The following FRMD4B variants were observed in gnomAD, a reference collection of about 807,000 sequenced individuals.
FRMD4B encodes FERM domain containing 4B, also known as FERM domain-containing protein 4B.
FRMD4B carries 74 observed loss-of-function variants against 141.5 expected under a neutral mutation model. The ratio of observed to expected loss-of-function variants is 0.52; its 90% confidence interval spans 0.43 to 0.63. FRMD4B has a LOEUF of 0.63. FRMD4B is among the 30% of genes least tolerant of loss of function. FRMD4B has a pLI of 0.00. For missense variants in FRMD4B, 1,366 were observed against 1,253.4 expected, an observed-to-expected ratio of 1.09 and a Z score of -1.36; for synonymous variants, 506 against 467.9, an observed-to-expected ratio of 1.08 and a Z score of -1.05.
At chr3:69,293,473 A>G (rs1700938957) in intron 4 of FRMD4B, among the ~76,000 whole-genome samples, 1 of 128,956 alleles carries the variant, frequency 7.8e-6, no homozygotes, top group South Asian at 2.7e-4. Context: ...TTAGCAGCCA[A>G]TGAGTGGCGG....
At chr3:69,509,326 T>G (rs1024440308) in intron 1 of FRMD4B, among the ~76,000 whole-genome samples, 20 of 152,158 alleles carry the variant, frequency 1.3e-4, no homozygotes, top group Non-Finnish European at 2.1e-4. Context: ...GTTGCCAAAT[T>G]CCAACAGAAA....
chr3:69,350,722 G>A (rs1469594710), intron 1 of FRMD4B, among the ~76,000 whole-genome samples: 1 of 151,728 alleles, frequency 6.6e-6, no homozygotes, highest in African/African-American at 2.4e-5. Flanking sequence ...ACTATCGCAA[G>A]GACAAATAAC....
intron 2 of FRMD4B, among the ~76,000 whole-genome samples, chr3:69,405,588 T>C (rs1156672526): frequency 6.6e-6 from 1 of 152,162 alleles, no homozygotes; most frequent in Admixed American, 6.5e-5. Flanking sequence ...GGTAGAAGGA[T>C]GTTGGGCAGC....
At chr3:69,311,242 T>C (rs765146470) in intron 3 of FRMD4B, 21 bp downstream of exon 3, 1 of 1,191,918 alleles carries the variant, frequency 8.4e-7, no homozygotes, top group Non-Finnish European at 1.2e-6. Flanking sequence ...GTAAAGAAAC[T>C]AAAACTATTA....
chr3:69,296,805 C>T (rs1271241678), intron 4 of FRMD4B, among the ~76,000 whole-genome samples: 1 of 152,120 alleles, frequency 6.6e-6, no homozygotes, highest in East Asian at 1.9e-4. Context: ...CTTTCTTCCT[C>T]TTATCGCTTT....
At chr3:69,320,571 CA>C (rs1338584686) in intron 1 of FRMD4B, among the ~76,000 whole-genome samples, 2 of 151,784 alleles carry the variant, frequency 1.3e-5, no homozygotes, top group African/African-American at 4.8e-5. Flanking sequence ...TCTCTAAAAG[CA>C]AAAACCAAAA....
At chr3:69,323,130 G>C (rs1253436983) in intron 1 of FRMD4B, 19 of 216,144 alleles carry the variant, frequency 8.8e-5, no homozygotes, top group Non-Finnish European at 9.5e-5. Context: ...AAGAGGGGAG[G>C]AATGACAAAG....
intron 11 of FRMD4B, among the ~76,000 whole-genome samples, chr3:69,203,603 C>T (rs980495082): frequency 6.6e-6 from 1 of 152,146 alleles, no homozygotes; most frequent in Non-Finnish European, 1.5e-5. Context: ...CTGGTACTGC[C>T]ACTTCTAGCT....
chr3:69,251,047 A>T (rs1174464847), intron 5 of FRMD4B, among the ~76,000 whole-genome samples: 1 of 152,198 alleles, frequency 6.6e-6, no homozygotes, highest in Non-Finnish European at 1.5e-5. Flanking sequence ...ATGATACATG[A>T]AATATTATTA....
chr3:69,197,249 GT>G (rs1263631945), intron 12 of FRMD4B, among the ~76,000 whole-genome samples: 3 of 152,070 alleles, frequency 2.0e-5, no homozygotes, highest in Non-Finnish European at 4.4e-5. Flanking sequence ...TAAACAGCAT[GT>G]TTAAAAACAC....
intron 2 of FRMD4B, among the ~76,000 whole-genome samples, chr3:69,417,269 T>C (rs950425510): frequency 6.6e-6 from 1 of 152,212 alleles, no homozygotes; most frequent in Non-Finnish European, 1.5e-5. Flanking sequence ...TGGTATCTCA[T>C]TGTGGTTTTG....
intron 1 of FRMD4B, among the ~76,000 whole-genome samples, chr3:69,341,752 CT>C (rs896079648): frequency 2.1e-4 from 32 of 152,302 alleles, no homozygotes; most frequent in Non-Finnish European, 2.2e-4. Flanking sequence ...GATTAAAGCC[CT>C]TATAAAATAG....
At chr3:69,514,898 A>T (rs927285705) in intron 1 of FRMD4B, among the ~76,000 whole-genome samples, 1 of 152,156 alleles carries the variant, frequency 6.6e-6, no homozygotes, top group Non-Finnish European at 1.5e-5. Context: ...GGGACACTGA[A>T]TAGCCAAAAT....
intron 5 of FRMD4B, among the ~76,000 whole-genome samples, chr3:69,257,220 T>C (rs2093498396): frequency 6.6e-6 from 1 of 152,204 alleles, no homozygotes; most frequent in South Asian, 2.1e-4. Context: ...TAAAATTGCC[T>C]TTTTGGAACT....
chr3:69,354,821 C>CT (rs1389469089), intron 1 of FRMD4B, among the ~76,000 whole-genome samples: 1 of 152,082 alleles, frequency 6.6e-6, no homozygotes, highest in African/African-American at 2.4e-5. Flanking sequence ...ACATGGCAGC[C>CT]TGTAACAACT....
intron 3 of FRMD4B, among the ~76,000 whole-genome samples, chr3:69,303,030 C>T (rs1701267455): frequency 6.6e-6 from 1 of 152,240 alleles, no homozygotes; most frequent in African/African-American, 2.4e-5. Context: ...GCCGAGATTG[C>T]ACCATTGCAC....
At chr3:69,258,422 T>A (rs1287361794) in intron 5 of FRMD4B, among the ~76,000 whole-genome samples, 1 of 151,982 alleles carries the variant, frequency 6.6e-6, no homozygotes, top group Non-Finnish European at 1.5e-5. Flanking sequence ...AATGTTTTCA[T>A]CTTAGGGAAA....
intron 1 of FRMD4B, among the ~76,000 whole-genome samples, chr3:69,446,553 G>A (rs559987747): frequency 3.3e-5 from 5 of 152,120 alleles, no homozygotes; most frequent in Admixed American, 1.3e-4. Flanking sequence ...GGCCAGTCTC[G>A]AACTCACCTC....
intron 1 of FRMD4B, among the ~76,000 whole-genome samples, chr3:69,501,228 CT>C (rs534864440): frequency 0.46 from 53,850 of 117,224 alleles, 10,927 homozygotes; most frequent in Non-Finnish European, 0.48. Context: ...CATGGACCTT[CT>C]TTTTTTTTTT....
Sources: gnomAD v4.1 joint callset for allele counts (sites outside exome capture counted in the v4.1 genomes callset) on GRCh38, gnomAD v4.1.1 for gene constraint, MANE v1.5 for transcripts, NCBI Gene and HGNC (gene_info 2026-07-23, HGNC 2026-07-21) for gene names.